The following TBCCD1 variants were observed in gnomAD, a reference collection of about 807,000 sequenced individuals.
TBCCD1 encodes TBCC domain containing 1, also known as TBCC domain-containing protein 1.
Under a neutral mutation model 53.4 loss-of-function variants are expected in TBCCD1, and 26 were observed. The ratio of observed to expected loss-of-function variants is 0.49; its 90% CI spans 0.36 to 0.68. The LOEUF is 0.68. Ranked by LOEUF, TBCCD1 falls within the 30% of genes least tolerant of loss-of-function variation. The pLI, the probability that TBCCD1 is intolerant of heterozygous loss-of-function variation, is 0.00. For synonymous variants in TBCCD1, 245 were observed against 241.7 expected (o/e 1.01, Z -0.13); for missense variants, 558 against 669.5 (o/e 0.83, Z 1.84).
At chr3:186,555,855 GT>G (rs1225879813) in intron 4 of TBCCD1, among the ~76,000 whole-genome samples, 1 of 152,088 alleles carries the variant, frequency 6.6e-6, no homozygotes. Flanking sequence ...CCCAGCCTGA[GT>G]TCATGTCTTT....
At chr3:186,550,238 A>AC (rs199672577) in intron 7 of TBCCD1, among the ~76,000 whole-genome samples, 3,223 of 151,624 alleles carry the variant, frequency 0.021, 120 homozygotes, top group African/African-American at 0.074. Context: ...AAAAAAAAAA[A>AC]AAAAAAAAAC....
chr3:186,568,612 A>T (rs1362741975), upstream of TBCCD1, among the ~76,000 whole-genome samples: 1 of 152,158 alleles, frequency 6.6e-6, no homozygotes, highest in African/African-American at 2.4e-5. Context: ...GGATGAAAAA[A>T]ATAGGAGGCC....
upstream of TBCCD1, among the ~76,000 whole-genome samples, chr3:186,568,997 C>T (rs58971510): frequency 0.27 from 40,571 of 150,946 alleles, 6,989 homozygotes; most frequent in African/African-American, 0.49. Flanking sequence ...AGGGAAAGTC[C>T]TCCCTGAGGT....
At chr3:186,558,747 C>T (rs1560227544) in intron 2 of TBCCD1, among the ~76,000 whole-genome samples, 175 bp from the exon 3 acceptor site, 1 of 148,922 alleles carries the variant, frequency 6.7e-6, no homozygotes, top group Non-Finnish European at 1.5e-5. Context: ...GTTTCTTTTT[C>T]TTTTTTTTTT....
chr3:186,564,331 T>C lies in TBCCD1; in HGVS notation c.-2A>G. 6.2e-7 allele frequency: 1 copy of C among 1,601,272 alleles called. No individual in the cohort carries two copies. The highest frequency in any genetic ancestry group is 8.5e-7 in the Non-Finnish European group (1 of 1,172,794). On this transcript the variant is annotated 5_prime_UTR_variant, in exon 2 of 8. Coordinates refer to ENST00000338733, the MANE Select transcript of TBCCD1 (RefSeq NM_018138.5). ...GAGGAGAACTCTGGACTGATCCATA[T>C]TATCTCTAAGGACATCAGGGTGAAA...
intron 2 of TBCCD1, among the ~76,000 whole-genome samples, chr3:186,560,559 G>T (rs1419118859): frequency 1.3e-5 from 2 of 152,164 alleles, no homozygotes; most frequent in Non-Finnish European, 2.9e-5. Context: ...ACTCTCAAAA[G>T]AAATGAAAGC....
At position 186,547,211 on chromosome 3, in the gene TBCCD1, G is replaced by A. The variant is rs559724181; in HGVS notation, c.*22-256C>T. Among the ~76,000 whole-genome samples the A allele has an allele frequency of 1.5e-4, 23 of 151,874 alleles. No individual in the cohort carries two copies. In the South Asian group the frequency reaches 3.1e-3, roughly 21 times the overall value. The stretch of plus-strand genomic sequence containing the variant: ...GAAGATTAAACAAAATTATTTACCC[G>A]CTTATAGTTCACATTTCCTTTGCAT... On this transcript the variant is annotated intron_variant, in intron 7 of 7. Transcript: ENST00000338733.
intron 6 of TBCCD1, chr3:186,553,731 T>G (rs1263942588): frequency 6.2e-6 from 1 of 161,794 alleles, no homozygotes; most frequent in Non-Finnish European, 1.3e-5. Context: ...ATTTGCCAAC[T>G]AAACTTTAGC....
intron 6 of TBCCD1, among the ~76,000 whole-genome samples, chr3:186,552,638 C>T (rs563673136): frequency 6.6e-6 from 1 of 152,344 alleles, no homozygotes; most frequent in South Asian, 2.1e-4. Context: ...ACACATTACT[C>T]TCACTTCCAG....
At chr3:186,565,068 G>A (rs1714788290) in intron 1 of TBCCD1, among the ~76,000 whole-genome samples, 1 of 151,290 alleles carries the variant, frequency 6.6e-6, no homozygotes, top group African/African-American at 2.4e-5. Flanking sequence ...ACAAGTAAAG[G>A]GCAACAAATT....
At chr3:186,558,632 CAACT>C in intron 2 of TBCCD1, 60 bp from the exon 3 acceptor site, 1 of 1,554,602 alleles carries the variant, frequency 6.4e-7, no homozygotes. Context: ...ACTAGTCTAA[CAACT>C]AAGTAGACAT....
intron 1 of TBCCD1, among the ~76,000 whole-genome samples, chr3:186,565,259 C>T (rs1443225241): frequency 6.6e-6 from 1 of 151,890 alleles, no homozygotes; most frequent in African/African-American, 2.4e-5. Context: ...TACAGGCGTC[C>T]ACCACCACAC....
chr3:186,558,566 C>A lies in TBCCD1; in HGVS notation c.343G>T (p.Val115Leu). The stretch of plus-strand genomic sequence containing the variant: ...AAGAGCAGAAACTGTAGCGTGTCCA[C>A]TGAAAGCTGTCCAAGAAGAAAATAA... ...EVEKQRNQLS[V>L]DTLQFLLFLY... is the part of the protein sequence containing the mutation. Residue 115 changes from valine (V) to leucine (L), a missense_variant, in exon 3 of 8, where the codon GTG becomes TTG. Physicochemically the swap from Val to Leu is conservative, Grantham distance 32. Transcript: ENST00000338733. The A allele has an allele frequency of 1.2e-6, 2 of 1,612,622 alleles. No individual in the cohort carries two copies. The highest frequency in any genetic ancestry group is 1.7e-6 in the Non-Finnish European group (2 of 1,179,524).
chr3:186,570,537 C>G (rs964944563), upstream of TBCCD1: 13 of 494,090 alleles, frequency 2.6e-5, no homozygotes, highest in African/African-American at 2.2e-4. Context: ...GCGCGACCCT[C>G]TGACGTCTCC....
At chr3:186,552,547 G>A (rs1484084081) in intron 6 of TBCCD1, among the ~76,000 whole-genome samples, 1 of 152,110 alleles carries the variant, frequency 6.6e-6, no homozygotes, top group African/African-American at 2.4e-5. Flanking sequence ...CTGGAGGAGT[G>A]GCTACTTCTT....
upstream of TBCCD1, among the ~76,000 whole-genome samples, chr3:186,569,936 GC>G (rs1450742519): frequency 6.6e-6 from 1 of 152,140 alleles, no homozygotes; most frequent in Non-Finnish European, 1.5e-5. Context: ...AAAGAGTTCT[GC>G]TTGAACCGTA....
Position 186,551,279 on chromosome 3 carries a change from C to A in TBCCD1, c.1545G>T (p.Lys515Asn). ...GTACCTGGAACTGCTTCCTTTGATC[C>A]CTAAAATTGCGATTATGAGTAAAAA... ...QKTVKEAHLT[K>N]DQRKQFQVLV... Residue 515 changes from lysine to asparagine, a missense_variant and splice_region_variant, in exon 7 of 8, where the codon AAG (lysine) becomes AAT (asparagine). By Grantham distance (94) the Lys-to-Asn change is moderately conservative. Coordinates refer to ENST00000338733, the MANE Select transcript of TBCCD1 (RefSeq NM_018138.5). The A allele has an allele frequency of 6.2e-7, 1 of 1,610,140 alleles. No individual in the cohort carries two copies.
At chr3:186,548,830 A>G (rs1050121165) in intron 7 of TBCCD1, among the ~76,000 whole-genome samples, 4 of 152,190 alleles carry the variant, frequency 2.6e-5, no homozygotes, top group Admixed American at 2.6e-4. Flanking sequence ...TGTGATCTTG[A>G]AAAAAACAAA....
intron 6 of TBCCD1, among the ~76,000 whole-genome samples, chr3:186,552,350 T>C (rs1305865649): frequency 2.0e-5 from 3 of 152,166 alleles, no homozygotes; most frequent in Admixed American, 2.0e-4. Context: ...GGACTTGCTA[T>C]TGTATTCTTT....
Sources: allele counts gnomAD v4.1 joint callset (sites outside exome capture counted in the v4.1 genomes callset), GRCh38; gene constraint gnomAD v4.1.1; transcripts MANE v1.5; gene names NCBI Gene and HGNC (gene_info 2026-07-23, HGNC 2026-07-21).